HMGN5: variants seen among roughly 807,000 people sequenced by gnomAD.
The protein encoded by HMGN5 is high mobility group nucleosome binding domain 5.
In HMGN5, 4 loss-of-function variants were observed where a neutral mutation model predicts 9.5. The observed-to-expected ratio is 0.42, with a 90% confidence interval of 0.21 to 0.96. The LOEUF is 0.96. HMGN5 is among the 40% of genes least tolerant of loss of function. The pLI, the probability that HMGN5 is intolerant of heterozygous loss-of-function variation, is 0.30. For missense variants in HMGN5, 192 were observed against 187.5 expected (o/e 1.02, Z -0.14); for synonymous variants, 55 against 57.1 (o/e 0.96, Z 0.16).
At chrX:81,188,634 A>T (rs1374822609) in intron 1 of HMGN5, among the ~76,000 whole-genome samples, 6 of 98,667 alleles carry the variant, frequency 6.1e-5, no homozygotes, top group Middle Eastern at 5.1e-3. Context: ...CCCTCTCCCC[A>T]CCCCACGACA....
At chrX:81,149,105 T>C (rs1438642047) in intron 1 of HMGN5, among the ~76,000 whole-genome samples, 6 of 111,737 alleles carry the variant, frequency 5.4e-5, no homozygotes, top group Non-Finnish European at 9.4e-5. Context: ...AAACACCATT[T>C]GACCCAGCAA....
At chrX:81,153,754 G>T (rs1192841382) in intron 1 of HMGN5, among the ~76,000 whole-genome samples, 3 of 99,232 alleles carry the variant, frequency 3.0e-5, no homozygotes, top group African/African-American at 1.1e-4. Flanking sequence ...ATCTGAAAAT[G>T]AAGTTTAAAA....
intron 1 of HMGN5, among the ~76,000 whole-genome samples, chrX:81,169,054 C>T (rs1462938407): frequency 2.7e-5 from 3 of 111,417 alleles, no homozygotes; most frequent in African/African-American, 6.5e-5. Context: ...TCTAGAGAGG[C>T]CTCAGGAATT....
intron 1 of HMGN5, among the ~76,000 whole-genome samples, chrX:81,152,781 G>T: frequency 9.2e-6 from 1 of 109,274 alleles, no homozygotes; most frequent in Middle Eastern, 4.7e-3. Context: ...TTAAGAAAAT[G>T]TGGCACATAT....
In HMGN5 at chrX:81,114,847, CTTCTCTTTTCCATCTTCA is replaced by C. The variant is rs1034165038; in HGVS notation, c.633_650del (p.Asn211_Glu216del). ...CATCTTTCCCCTCTTTTTTATCTCC[CTTCTCTTTTCCATCTTCA>C]TTCTCTTTTCCATCTCCTGTTTCTT... On this transcript the variant is annotated inframe_deletion, in exon 7 of 7. Transcript: ENST00000358130. 10 of 1,155,820 alleles carry C rather than the reference CTTCTCTTTTCCATCTTCA, an allele frequency of 8.7e-6. No individual in the cohort carries two copies. In the South Asian group the frequency reaches 1.4e-4, roughly 16 times the overall value.
intron 1 of HMGN5, among the ~76,000 whole-genome samples, chrX:81,166,919 G>A (rs1307902747): frequency 9.0e-6 from 1 of 111,321 alleles, no homozygotes; most frequent in Non-Finnish European, 1.9e-5. Context: ...CTGACTCCCA[G>A]AATACCACAT....
At position 81,116,316 on chromosome X, in the gene HMGN5, A is replaced by G. The variant is rs759221213; in HGVS notation, c.155T>C (p.Met52Thr). ...SRKMKTKSDM[M>T]EENIDTSAQA... Reference sequence around the variant, plus strand: ...GGCACTTGTATCTATGTTTTCTTCCATCATATCACTTTTTGTCTTCATTTT... The same window carrying G: ...GGCACTTGTATCTATGTTTTCTTCCGTCATATCACTTTTTGTCTTCATTTT... Residue 52 changes from methionine (M) to threonine (T), a missense_variant, in exon 6 of 7, where the codon ATG (methionine) becomes ACG (threonine). Coordinates refer to ENST00000358130, the MANE Select transcript of HMGN5 (RefSeq NM_030763.3). The G allele has an allele frequency of 8.4e-7, 1 of 1,193,008 alleles. No homozygotes were observed. The highest frequency in any genetic ancestry group is 3.0e-5 in the East Asian group (1 of 33,639).
intron 1 of HMGN5, among the ~76,000 whole-genome samples, chrX:81,168,970 A>T (rs749946475): frequency 9.0e-6 from 1 of 111,138 alleles, no homozygotes; most frequent in South Asian, 3.8e-4. Flanking sequence ...AGTGGTTGTC[A>T]TCATAAGTAA....
intron 1 of HMGN5, among the ~76,000 whole-genome samples, chrX:81,139,945 C>T (rs757847679): frequency 1.3e-3 from 141 of 112,047 alleles, no homozygotes; most frequent in African/African-American, 4.2e-3. Flanking sequence ...TTAGGCAAGT[C>T]CCAGGGCTGA....
intron 1 of HMGN5, among the ~76,000 whole-genome samples, chrX:81,197,947 T>C (rs1339568885): frequency 1.8e-5 from 2 of 111,535 alleles, no homozygotes; most frequent in Non-Finnish European, 3.8e-5. Flanking sequence ...ATTATTTGTA[T>C]AAAGATTTTG....
At chrX:81,134,335 G>T (rs1403140894) in intron 1 of HMGN5, among the ~76,000 whole-genome samples, 1 of 110,931 alleles carries the variant, frequency 9.0e-6, no homozygotes, top group Non-Finnish European at 1.9e-5. Context: ...ATAATATTTG[G>T]CTTCTTTAAT....
chrX:81,191,644 C>T (rs1378837918), intron 1 of HMGN5, among the ~76,000 whole-genome samples: 1 of 111,903 alleles, frequency 8.9e-6, no homozygotes. Flanking sequence ...AGTCTTTTGA[C>T]CCCCACATGG....
chrX:81,157,629 A>G (rs2075386643), intron 1 of HMGN5, among the ~76,000 whole-genome samples: 1 of 111,153 alleles, frequency 9.0e-6, no homozygotes, highest in Non-Finnish European at 1.9e-5. Context: ...TACTAATCCA[A>G]CATAGGTATG....
At chrX:81,172,020 G>T (rs2075427155) in intron 1 of HMGN5, among the ~76,000 whole-genome samples, 1 of 111,074 alleles carries the variant, frequency 9.0e-6, no homozygotes, top group Non-Finnish European at 1.9e-5. Context: ...ATCGTGTCTT[G>T]ATAAAATTAA....
At chrX:81,140,207 A>T in intron 1 of HMGN5, among the ~76,000 whole-genome samples, 1 of 111,575 alleles carries the variant, frequency 9.0e-6, no homozygotes. Flanking sequence ...TTCAGGCCCT[A>T]GTTCCCAGAT....
At chrX:81,148,104 AC>A (rs1291134194) in intron 1 of HMGN5, among the ~76,000 whole-genome samples, 1 of 112,151 alleles carries the variant, frequency 8.9e-6, no homozygotes, top group Admixed American at 9.5e-5. Context: ...GCTACCATTG[AC>A]TTTCTTCACT....
intron 1 of HMGN5, among the ~76,000 whole-genome samples, chrX:81,183,065 G>T (rs966520623): frequency 6.2e-5 from 7 of 112,027 alleles, no homozygotes; most frequent in African/African-American, 1.9e-4. Context: ...CTTCTGTTAT[G>T]AGATGATTTA....
chrX:81,160,431 G>A (rs2075395188), intron 1 of HMGN5, among the ~76,000 whole-genome samples: 1 of 110,482 alleles, frequency 9.1e-6, no homozygotes, highest in Admixed American at 9.7e-5. Flanking sequence ...GTATACATGT[G>A]CAATGATGGG....
intron 1 of HMGN5, among the ~76,000 whole-genome samples, chrX:81,158,185 T>G (rs1048192068): frequency 8.9e-6 from 1 of 112,301 alleles, no homozygotes; most frequent in African/African-American, 3.2e-5. Flanking sequence ...AGTTCTATAA[T>G]TGCTTTCTTC....
Sources: allele counts gnomAD v4.1 joint callset (sites outside exome capture counted in the v4.1 genomes callset), GRCh38; gene constraint gnomAD v4.1.1; transcripts MANE v1.5; gene names NCBI Gene and HGNC (gene_info 2026-07-23, HGNC 2026-07-21).